CACNA1C: variants seen among roughly 807,000 people sequenced by gnomAD.
The protein encoded by CACNA1C is voltage-dependent L-type calcium channel subunit alpha-1C.
CACNA1C carries 30 observed loss-of-function variants against 229.0 expected under a neutral mutation model. The observed-to-expected ratio is 0.13, with a 90% CI of 0.10 to 0.18. CACNA1C has a LOEUF of 0.18. Ranked by LOEUF, CACNA1C falls within the 10% of genes least tolerant of loss-of-function variation. The pLI is 1.00. For synonymous variants in CACNA1C, 1,114 were observed against 1,132.5 expected (o/e 0.98, Z 0.33); for missense variants, 1,658 against 2,845.0 (o/e 0.58, Z 9.49).
intron 10 of CACNA1C, among the ~76,000 whole-genome samples, chr12:2,550,992 A>G (rs1229832263): frequency 6.6e-6 from 1 of 152,204 alleles, no homozygotes; most frequent in Non-Finnish European, 1.5e-5. Context: ...TATTGTCAAA[A>G]TGTTGTTAAA....
chr12:2,583,074 C>CGGCGGA (rs1485576927), intron 15 of CACNA1C, 132 bp downstream of exon 15: 1 of 636,570 alleles, frequency 1.6e-6, no homozygotes, highest in Non-Finnish European at 2.8e-6. Context: ...AACCCCATGG[C>CGGCGGA]GGCGGAGGTG....
intron 20 of CACNA1C, among the ~76,000 whole-genome samples, chr12:2,596,821 G>C (rs534144126): frequency 3.9e-5 from 6 of 152,240 alleles, no homozygotes; most frequent in South Asian, 2.1e-4. Flanking sequence ...CGTGAGCGAA[G>C]CATTTTGAAT....
rs138087783 is a variant in CACNA1C, at chr12:2,481,870, A to G, written c.758-4234A>G. Reference sequence around the variant, plus strand: ...AACGTTTGTCAGCAGTTGCTTCACCAGGCTTGTCTAGGGCCCATTTTCTTT... The same window carrying G: ...AACGTTTGTCAGCAGTTGCTTCACCGGGCTTGTCTAGGGCCCATTTTCTTT... On this transcript the variant is annotated intron_variant, in intron 5 of 46. Transcript: ENST00000399655. 7.4e-3 allele frequency among the ~76,000 whole-genome samples: 1,122 copies of G among 152,354 alleles called. 14 individuals are homozygous for G. Among genetic ancestry groups the G allele is most frequent in the African/African-American group, 0.025 (1,028 of 41,588 alleles).
At position 2,601,879 on chromosome 12, in the gene CACNA1C, A is replaced by G. The variant is rs2072544082; in HGVS notation, c.2879A>G (p.His960Arg). Residue 960 changes from histidine to arginine, a missense_variant, in exon 22 of 47, where the codon CAC (histidine) becomes CGC (arginine). His to Arg is a conservative substitution (Grantham distance 29). Around this residue, in one of 20 missense-constraint regions of CACNA1C, gnomAD observed 39 missense variants for 143.3 expected, o/e 0.27. Coordinates refer to ENST00000399655, the MANE Select transcript of CACNA1C (RefSeq NM_000719.7). This position sits in a 1 kb window ranked among gnomAD's most constrained non-coding sequence, Gnocchi z 5.9. ...LKMTAYGAFL[H>R]KGSFCRNYFN... ...ATGACTGCTTATGGGGCTTTCTTGC[A>G]CAAGGGTTCTTTCTGCCGGAACTAC... 1 of 1,613,652 alleles carries G rather than the reference A, an allele frequency of 6.2e-7. No homozygotes were observed. Among genetic ancestry groups the G allele is most frequent in the Non-Finnish European group, 8.5e-7 (1 of 1,179,698 alleles).
chr12:2,312,895 A>C (rs142709485), intron 3 of CACNA1C, among the ~76,000 whole-genome samples: 47 of 152,236 alleles, frequency 3.1e-4, no homozygotes, highest in African/African-American at 1.1e-3. Context: ...TAAACTCAGA[A>C]ATTTACTAGA....
intron 3 of CACNA1C, among the ~76,000 whole-genome samples, chr12:2,361,417 T>C (rs948245681): frequency 2.0e-5 from 3 of 152,218 alleles, no homozygotes; most frequent in African/African-American, 7.2e-5. Flanking sequence ...ACTAAATTAC[T>C]GTAGGCTATA....
rs534989979 is a variant in CACNA1C, at chr12:2,347,971, A to G, written c.478-101005A>G. 4.6e-5 allele frequency among the ~76,000 whole-genome samples: 7 copies of G among 152,374 alleles called. No homozygotes were observed. In the South Asian group the frequency reaches 1.4e-3, roughly 32 times the overall value. ...AGCGGGAGGATTATGCCCTGGGGCC[A>G]TTCTCACCGGACTGTTGGAAACAGT... is the stretch of plus-strand genomic sequence containing the variant. On this transcript the variant is annotated intron_variant, in intron 3 of 46. Transcript: ENST00000399655.
intron 34 of CACNA1C, chr12:2,659,845 C>T (rs1476997316): frequency 6.6e-6 from 1 of 151,748 alleles, no homozygotes; most frequent in African/African-American, 2.4e-5. Flanking sequence ...CAAAAAGCAA[C>T]ATAATTACAG....
At chr12:2,540,831 C>T (rs910993989) in intron 9 of CACNA1C, among the ~76,000 whole-genome samples, 1 of 152,162 alleles carries the variant, frequency 6.6e-6, no homozygotes, top group Non-Finnish European at 1.5e-5. Context: ...GAGAGAGAAC[C>T]GACAGTGTCT....
chr12:2,395,700 C>T (rs1300686867), intron 3 of CACNA1C, among the ~76,000 whole-genome samples: 4 of 152,152 alleles, frequency 2.6e-5, no homozygotes, highest in African/African-American at 9.7e-5. Flanking sequence ...TTTTTCCAGT[C>T]TGAGGCTTCC....
intron 3 of CACNA1C, among the ~76,000 whole-genome samples, chr12:2,128,512 G>A (rs561409922): frequency 3.7e-4 from 56 of 152,106 alleles, no homozygotes; most frequent in Admixed American, 2.7e-3. Flanking sequence ...CCGGGTTCAC[G>A]CCGTTCTCCC....
At chr12:2,655,589 G>T (rs1216916287) in intron 34 of CACNA1C, among the ~76,000 whole-genome samples, 1 of 152,200 alleles carries the variant, frequency 6.6e-6, no homozygotes, top group African/African-American at 2.4e-5. Context: ...CTGAACCTCA[G>T]TTTTCTTGTC....
chr12:2,697,026 C>G lies in CACNA1C; in HGVS notation c.*5827C>G, dbSNP rs1369155559. On this transcript the variant is annotated 3_prime_UTR_variant, in exon 47 of 47. Transcript: ENST00000399655. ...TGTTTAAAAGGGGAAAAGGAAAGAA[C>G]TTGTACATCAAGGGAAGATGATTTG... is the stretch of plus-strand genomic sequence containing the variant. The G allele has an allele frequency of 6.6e-6, 1 of 152,338 alleles. No individual in the cohort carries two copies. The highest frequency in any genetic ancestry group is 2.4e-5 in the African/African-American group (1 of 41,444). 9.4% of individuals were successfully genotyped at this position (152,338 alleles called of 1,614,324 possible).
At chr12:2,614,724 C>T (rs1272318097) in intron 29 of CACNA1C, 7 of 152,172 alleles carry the variant, frequency 4.6e-5, no homozygotes, top group Admixed American at 2.6e-4. Flanking sequence ...GGCTAGGAAC[C>T]AAGGATGTTG....
chr12:2,627,377 GAT>G (rs2087361270), intron 29 of CACNA1C, among the ~76,000 whole-genome samples: 1 of 152,070 alleles, frequency 6.6e-6, no homozygotes, highest in Non-Finnish European at 1.5e-5. Context: ...TTGTTTTCAT[GAT>G]ATTCAATGGG....
intron 6 of CACNA1C, among the ~76,000 whole-genome samples, chr12:2,491,819 G>A (rs1597931481): frequency 6.6e-6 from 1 of 152,222 alleles, no homozygotes; most frequent in Non-Finnish European, 1.5e-5. Flanking sequence ...GCCACCGACT[G>A]AGAATCAGCC....
intron 3 of CACNA1C, among the ~76,000 whole-genome samples, chr12:2,343,161 TC>T (rs2096911391): frequency 6.6e-6 from 1 of 152,158 alleles, no homozygotes; most frequent in Non-Finnish European, 1.5e-5. Context: ...ACATCCTTCT[TC>T]CCTTTAGCAA....
chr12:2,431,783 C>T (rs531339668), intron 3 of CACNA1C, among the ~76,000 whole-genome samples: 1 of 152,158 alleles, frequency 6.6e-6, no homozygotes, highest in Non-Finnish European at 1.5e-5. Context: ...GGAGGAGTCC[C>T]CCAAGCAGGT....
rs2096831183 is a variant in CACNA1C, at chr12:2,181,182, G to GATCATTACT, written c.477+60754_477+60762dup. 6.6e-6 allele frequency among the ~76,000 whole-genome samples: 1 copy of GATCATTACT among 152,142 alleles called. No homozygotes were observed. Among genetic ancestry groups the GATCATTACT allele is most frequent in the South Asian group, 2.1e-4 (1 of 4,822 alleles). ...CCCAGTCCGTGACGGCGGTAACAAT[G>GATCATTACT]ATCATTACTACCTCTGTTATTTCCT... On this transcript the variant is annotated intron_variant, in intron 3 of 46. Coordinates refer to ENST00000399655, the MANE Select transcript of CACNA1C (RefSeq NM_000719.7). This position sits in a 1 kb window ranked among gnomAD's most constrained non-coding sequence, Gnocchi z 4.0.
Sources: gnomAD v4.1 joint callset for allele counts (sites outside exome capture counted in the v4.1 genomes callset) on GRCh38, gnomAD v4.1.1 for gene constraint, gnomAD v4.1.1 regional missense constraint, Gnocchi (gnomAD v3.1) non-coding constraint, MANE v1.5 for transcripts, NCBI Gene and HGNC (gene_info 2026-07-23, HGNC 2026-07-21) for gene names.